The following ERVW-1 variants were observed in gnomAD, a reference collection of about 807,000 sequenced individuals.
ERVW-1 encodes the protein syncytin-1.
A neutral mutation model predicts 16.6 loss-of-function variants in ERVW-1; 21 were observed. The observed-to-expected ratio is 1.26, with a 90% CI of 0.90 to 1.82. The LOEUF is 1.82. Among genes scored for constraint, ERVW-1 ranks in the 40% most tolerant of loss-of-function variants. ERVW-1 has a pLI of 0.00. For missense variants in ERVW-1, 412 were observed against 300.2 expected (o/e 1.37, Z -2.75); for synonymous variants, 161 against 109.8 (o/e 1.47, Z -2.92).
At position 92,469,977 on chromosome 7, in the gene ERVW-1, T is replaced by C. The variant is rs775485092; in HGVS notation, c.405A>G (p.Gln135=). ...TAGAGGTGCCATGTACCCGGGTGAG[T>C]TGGGAGATTACTTCTTTTACATGTT... is the stretch of plus-strand genomic sequence containing the variant. ...REKHVKEVIS[Q]LTRVHGTSSP... is the part of the protein sequence containing the mutation. The change falls in exon 2 of 2, where the codon CAA becomes CAG. Residue 135 remains glutamine (Q), a synonymous_variant. Coordinates refer to ENST00000603053, the MANE Select transcript of ERVW-1 (RefSeq NM_001130925.2). The C allele has an allele frequency of 1.4e-5, 11 of 776,804 alleles. No homozygotes were observed. The highest frequency in any genetic ancestry group is 2.4e-5 in the Non-Finnish European group (10 of 416,972). The allele number at this position is 776,804 out of a possible 1,614,324, so 48.1% of individuals were successfully genotyped here. A position where few individuals can be genotyped will look rare whatever the true frequency, so the allele number is the denominator to read the frequency against.
In ERVW-1 at chr7:92,469,911, G is replaced by A. The variant is rs765904820; in HGVS notation, c.471C>T (p.Thr157=). The A allele has an allele frequency of 1.7e-5, 13 of 778,586 alleles. No homozygotes were observed. The highest frequency in any genetic ancestry group is 2.9e-5 in the Non-Finnish European group (12 of 417,904). 48.2% of individuals were successfully genotyped at this position (778,586 alleles called of 1,614,324 possible). ...TTACCAGGCGAGTATGGGTACGGAGGGTTTCATGTAGTTTTGAGAGATCTA... is the reference window on the plus strand; with the variant it reads ...TTACCAGGCGAGTATGGGTACGGAGAGTTTCATGTAGTTTTGAGAGATCTA... The part of the protein sequence containing the change: ...KGLDLSKLHE[T]LRTHTRLVSL... The change falls in exon 2 of 2, where the codon ACC becomes ACT. Residue 157 remains threonine, a synonymous_variant. Coordinates refer to ENST00000603053, the MANE Select transcript of ERVW-1 (RefSeq NM_001130925.2).
At position 92,468,881 on chromosome 7, in the gene ERVW-1, G is replaced by C; in HGVS notation, c.1501C>G (p.Pro501Ala). ...MQSKTKIYRR[P>A]LDRPASPRSD... is the part of the protein sequence containing the mutation. ...CGTGGGCTAGCAGGCCGGTCCAGGGGTCTGCGGTAGATCTTAGTCTTGGAC... is the reference window on the plus strand; with the variant it reads ...CGTGGGCTAGCAGGCCGGTCCAGGGCTCTGCGGTAGATCTTAGTCTTGGAC... The change falls in exon 2 of 2, where the codon CCC becomes GCC. Residue 501 changes from proline to alanine, a missense_variant. Coordinates refer to ENST00000603053, the MANE Select transcript of ERVW-1 (RefSeq NM_001130925.2). 1.3e-6 allele frequency: 1 copy of C among 764,364 alleles called. No homozygotes were observed. Among genetic ancestry groups the C allele is most frequent in the South Asian group, 1.3e-5 (1 of 74,534 alleles). The allele number at this position is 764,364 out of a possible 1,614,324, so 47.3% of individuals were successfully genotyped here. A position where few individuals can be genotyped will look rare whatever the true frequency, so the allele number is the denominator to read the frequency against.
chr7:92,469,829 T>A lies in ERVW-1; in HGVS notation c.553A>T (p.Asn185Tyr). The change falls in exon 2 of 2, where the codon AAC (asparagine) becomes TAC (tyrosine). Residue 185 changes from asparagine to tyrosine, a missense_variant. Physicochemically the swap from Asn to Tyr is moderately radical, Grantham distance 143. Coordinates refer to ENST00000603053, the MANE Select transcript of ERVW-1 (RefSeq NM_001130925.2). ...LHEVSAQNPT[N>Y]CWICLPLNFR... Reference sequence around the variant, plus strand: ...TTCAGGGGGAGGCATATCCAACAGTTAGTAGGGTTTTGGGCCGAGACCTCA... The same window carrying A: ...TTCAGGGGGAGGCATATCCAACAGTAAGTAGGGTTTTGGGCCGAGACCTCA... 1.3e-6 allele frequency: 1 copy of A among 771,016 alleles called. No individual in the cohort carries two copies. Among genetic ancestry groups the A allele is most frequent in the Non-Finnish European group, 2.4e-6 (1 of 417,710 alleles). 47.8% of individuals were successfully genotyped at this position (771,016 alleles called of 1,614,324 possible).
chr7:92,470,771 G>A (rs1348722170), intron 1 of ERVW-1, 163 bp from the exon 2 acceptor site: 1 of 176,632 alleles, frequency 5.7e-6, no homozygotes, highest in Non-Finnish European at 1.3e-5. Flanking sequence ...GCTGTCTTGG[G>A]TCAAGCACAA....
In ERVW-1 at chr7:92,469,984, A is replaced by T; in HGVS notation, c.398T>A (p.Ile133Asn). Residue 133 changes from isoleucine (I) to asparagine (N), a missense_variant, in exon 2 of 2, where the codon ATC becomes AAC. Physicochemically the swap from Ile to Asn is moderately radical, Grantham distance 149 (BLOSUM62 -3). Coordinates refer to ENST00000603053, the MANE Select transcript of ERVW-1 (RefSeq NM_001130925.2). ...GCCATGTACCCGGGTGAGTTGGGAG[A>T]TTACTTCTTTTACATGTTTTTCTCT... Reference protein sequence around the residue: ...QAREKHVKEVISQLTRVHGTS... With the variant: ...QAREKHVKEVNSQLTRVHGTS... 2 of 777,008 alleles carry T rather than the reference A, an allele frequency of 2.6e-6. No homozygotes were observed. The highest frequency in any genetic ancestry group is 4.8e-6 in the Non-Finnish European group (2 of 417,028). 48.1% of individuals were successfully genotyped at this position (777,008 alleles called of 1,614,324 possible).
In ERVW-1 at chr7:92,470,632, A is replaced by G. The variant is rs562735689; in HGVS notation, c.-227-24T>C. ...ATCTAGGGATGGGGAATTAGAGGGA[A>G]GGGACTTGACTAATACCATGTCACA... is the stretch of plus-strand genomic sequence containing the variant. On this transcript the variant is annotated intron_variant, in intron 1 of 1. Transcript: ENST00000603053. 90 of 398,412 alleles carry G rather than the reference A, an allele frequency of 2.3e-4. 1 individual carries two copies. In the South Asian group the frequency reaches 6.2e-3, roughly 28 times the overall value. 24.7% of individuals were successfully genotyped at this position (398,412 alleles called of 1,614,324 possible).
At chr7:92,474,436 A>G (rs913940275) in intron 1 of ERVW-1, among the ~76,000 whole-genome samples, 1 of 152,164 alleles carries the variant, frequency 6.6e-6, no homozygotes. Flanking sequence ...GGTGGACATC[A>G]TTGAGTAATT....
chr7:92,477,432 C>G lies in ERVW-1; in HGVS notation c.-278G>C, dbSNP rs1483223722. 6.6e-6 allele frequency: 1 copy of G among 152,358 alleles called. No homozygotes were observed. The highest frequency in any genetic ancestry group is 1.5e-5 in the Non-Finnish European group (1 of 68,160). 9.4% of individuals were successfully genotyped at this position (152,358 alleles called of 1,614,324 possible). A position where few individuals can be genotyped will look rare whatever the true frequency, so the allele number is the denominator to read the frequency against. ...CCAAAATGTTACCGGGGGGTCCTTG[C>G]TCACAGAGCTCCCAAGATGGTGGTG... On this transcript the variant is annotated 5_prime_UTR_variant, in exon 1 of 2. Coordinates refer to ENST00000603053, the MANE Select transcript of ERVW-1 (RefSeq NM_001130925.2).
In ERVW-1 at chr7:92,470,423, T is replaced by G; in HGVS notation, c.-42A>C. The G allele has an allele frequency of 1.5e-6, 1 of 649,730 alleles. No individual in the cohort carries two copies. Among genetic ancestry groups the G allele is most frequent in the Non-Finnish European group, 2.8e-6 (1 of 356,864 alleles). The allele number at this position is 649,730 out of a possible 1,614,324, so 40.2% of individuals were successfully genotyped here. ...AGTTACTTTCCTCCTGGTTGTTGTT[T>G]GAAGAGCAGGCGCAAATCCTCTAGA... On this transcript the variant is annotated 5_prime_UTR_variant, in exon 2 of 2. Coordinates refer to ENST00000603053, the MANE Select transcript of ERVW-1 (RefSeq NM_001130925.2).
In ERVW-1 at chr7:92,469,172, A is replaced by C; in HGVS notation, c.1210T>G (p.Cys404Gly). The change falls in exon 2 of 2, where the codon TGC becomes GGC. Residue 404 changes from cysteine to glycine, a missense_variant. Transcript: ENST00000603053. ...GGTCLFLGEE[C>G]CYYVNQSGIV... is the part of the protein sequence containing the mutation. ...CCGGATTGATTAACATAATAACAGC[A>C]TTCTTCCCCTAAAAATAAACAGGTT... 1 of 713,440 alleles carries C rather than the reference A, an allele frequency of 1.4e-6. No individual in the cohort carries two copies. The highest frequency in any genetic ancestry group is 2.6e-6 in the Non-Finnish European group (1 of 391,336). 44.2% of individuals were successfully genotyped at this position (713,440 alleles called of 1,614,324 possible).
intron 1 of ERVW-1, among the ~76,000 whole-genome samples, chr7:92,474,207 C>T (rs1407280357): frequency 6.6e-6 from 1 of 151,876 alleles, no homozygotes; most frequent in African/African-American, 2.4e-5. Context: ...TATAAAAAAC[C>T]GAGGTTGCCA....
rs754556707 is a variant in ERVW-1, at chr7:92,468,871, C to A, written c.1511G>T (p.Arg504Leu). The change falls in exon 2 of 2, where the codon CGG becomes CTG. Residue 504 changes from arginine to leucine, a missense_variant. By Grantham distance (102) the Arg-to-Leu change is moderately radical. Coordinates refer to ENST00000603053, the MANE Select transcript of ERVW-1 (RefSeq NM_001130925.2). ...KTKIYRRPLD[R>L]PASPRSDVND... ...AACATCAGATCGTGGGCTAGCAGGCCGGTCCAGGGGTCTGCGGTAGATCTT... is the reference window on the plus strand; with the variant it reads ...AACATCAGATCGTGGGCTAGCAGGCAGGTCCAGGGGTCTGCGGTAGATCTT... 1.3e-6 allele frequency: 1 copy of A among 764,300 alleles called. No individual in the cohort carries two copies. Among genetic ancestry groups the A allele is most frequent in the South Asian group, 1.3e-5 (1 of 74,516 alleles). The allele number at this position is 764,300 out of a possible 1,614,324, so 47.3% of individuals were successfully genotyped here. A position where few individuals can be genotyped will look rare whatever the true frequency, so the allele number is the denominator to read the frequency against.
Position 92,468,853 on chromosome 7 carries a change from G to C in ERVW-1, c.1529C>G (p.Ser510Cys), listed in dbSNP as rs1217500213. ...GGTGCCTTTGATGTCATTAACATCA[G>C]ATCGTGGGCTAGCAGGCCGGTCCAG... is the stretch of plus-strand genomic sequence containing the variant. ...RPLDRPASPR[S>C]DVNDIKGTPP... The change falls in exon 2 of 2, where the codon TCT (serine) becomes TGT (cysteine). Residue 510 changes from serine to cysteine, a missense_variant. Ser to Cys is a moderately radical substitution (Grantham distance 112). Transcript: ENST00000603053. 2.6e-6 allele frequency: 2 copies of C among 764,520 alleles called. No homozygotes were observed. The highest frequency in any genetic ancestry group is 1.3e-5 in the South Asian group (1 of 74,518). 47.4% of individuals were successfully genotyped at this position (764,520 alleles called of 1,614,324 possible).
chr7:92,476,658 C>G (rs973741669), intron 1 of ERVW-1, among the ~76,000 whole-genome samples: 1 of 152,018 alleles, frequency 6.6e-6, no homozygotes, highest in African/African-American at 2.4e-5. Flanking sequence ...TCTCTCTCCT[C>G]TCTGTCTCTC....
chr7:92,469,475 G>T lies in ERVW-1; in HGVS notation c.907C>A (p.Gln303Lys), dbSNP rs755860362. 1 of 767,768 alleles carries T rather than the reference G, an allele frequency of 1.3e-6. No individual in the cohort carries two copies. The highest frequency in any genetic ancestry group is 1.4e-5 in the South Asian group (1 of 72,732). The allele number at this position is 767,768 out of a possible 1,614,324, so 47.6% of individuals were successfully genotyped here. A position where few individuals can be genotyped will look rare whatever the true frequency, so the allele number is the denominator to read the frequency against. Residue 303 changes from glutamine to lysine, a missense_variant, in exon 2 of 2, where the codon CAA (glutamine) becomes AAA (lysine). Coordinates refer to ENST00000603053, the MANE Select transcript of ERVW-1 (RefSeq NM_001130925.2). ...LVPPMTIYTEQDLYSYVISKP... is the reference protein window; with the variant it reads ...LVPPMTIYTEKDLYSYVISKP... ...GATATGACATAACTGTATAAATCTT[G>T]TTCAGTGTAGATGGTCATAGGGGGC...
intron 1 of ERVW-1, chr7:92,475,237 G>A (rs1456280079): frequency 6.6e-6 from 1 of 152,068 alleles, no homozygotes; most frequent in African/African-American, 2.4e-5. Flanking sequence ...AGTGTCTGAG[G>A]GTCAAATTGG....
intron 1 of ERVW-1, chr7:92,472,547 C>T (rs1790390175): frequency 6.6e-6 from 1 of 152,236 alleles, no homozygotes; most frequent in African/African-American, 2.4e-5. Context: ...GCAAACTTAA[C>T]ACTGGGGCTT....
At chr7:92,474,022 T>C (rs1790445739) in intron 1 of ERVW-1, among the ~76,000 whole-genome samples, 1 of 152,158 alleles carries the variant, frequency 6.6e-6, no homozygotes, top group Non-Finnish European at 1.5e-5. Context: ...GGACAATCTT[T>C]TTTAAAGTGT....
chr7:92,476,658 C>T (rs973741669), intron 1 of ERVW-1, among the ~76,000 whole-genome samples: 6 of 152,018 alleles, frequency 3.9e-5, no homozygotes, highest in Non-Finnish European at 8.8e-5. Context: ...TCTCTCTCCT[C>T]TCTGTCTCTC....
Sources: gnomAD v4.1 joint callset for allele counts (sites outside exome capture counted in the v4.1 genomes callset) on GRCh38, gnomAD v4.1.1 for gene constraint, MANE v1.5 for transcripts, NCBI Gene and HGNC (gene_info 2026-07-23, HGNC 2026-07-21) for gene names.